The following ZIC2 variants were observed in gnomAD, a reference collection of about 807,000 sequenced individuals.
ZIC2 encodes Zic family zinc finger 2.
ZIC2 carries 7 observed loss-of-function variants against 29.5 expected under a neutral mutation model. That is an observed-to-expected ratio of 0.24 (90% CI 0.14 to 0.45). ZIC2 has a LOEUF of 0.45. Among genes scored for constraint, ZIC2 ranks in the 20% least tolerant of loss-of-function variants. The pLI is 1.00. For synonymous variants in ZIC2, 408 were observed against 354.2 expected, an observed-to-expected ratio of 1.15 and a Z score of -1.70; for missense variants, 589 against 781.2, an observed-to-expected ratio of 0.75 and a Z score of 2.93.
Position 99,983,008 on chromosome 13 carries a change from A to G in ZIC2, c.944A>G (p.Lys315Arg). ...TGTCCGCGCGAGGGCAAGCCCTTCA[A>G]GGCCAAATACAAACTGGTCAACCAC... ...EECPREGKPF[K>R]AKYKLVNHIR... Residue 315 changes from lysine to arginine, a missense_variant, in exon 1 of 3, where the codon AAG (lysine) becomes AGG (arginine). By Grantham distance (26) the Lys-to-Arg change is conservative (BLOSUM62 2). Around this residue, in one of 7 missense-constraint regions of ZIC2, gnomAD observed 33 missense variants for 106.0 expected, o/e 0.31. Transcript: ENST00000376335. This position sits in a 1 kb window ranked among gnomAD's most constrained non-coding sequence, Gnocchi z 4.7. 1.9e-6 allele frequency: 3 copies of G among 1,614,152 alleles called. No individual in the cohort carries two copies. Among genetic ancestry groups the G allele is most frequent in the African/African-American group, 1.3e-5 (1 of 75,030 alleles).
chr13:99,982,967 C>T lies in ZIC2; in HGVS notation c.903C>T (p.Val301=). 6.2e-7 allele frequency: 1 copy of T among 1,614,226 alleles called. No homozygotes were observed. Reference sequence around the variant, plus strand: ...GCGGCCCGGAGCAGAGCAACCACGTCTGCTTCTGGGAGGAGTGTCCGCGCG... The same window carrying T: ...GCGGCCCGGAGCAGAGCAACCACGTTTGCTTCTGGGAGGAGTGTCCGCGCG... ...HVGGPEQSNH[V]CFWEECPREG... is the part of the protein sequence containing the mutation. The change falls in exon 1 of 3, where the codon GTC becomes GTT. Residue 301 remains valine (V), a synonymous_variant. Transcript: ENST00000376335.
In ZIC2 at chr13:99,982,079, G is replaced by T. The variant is rs1261756709; in HGVS notation, c.15G>T (p.Ala5=). The part of the protein sequence containing the change: MLLD[A]GPQFPAIGVG... Reference sequence around the variant, plus strand: ...GCGCGCTGGCCATGCTCCTGGACGCGGGTCCGCAGTTCCCGGCCATCGGGG... The same window carrying T: ...GCGCGCTGGCCATGCTCCTGGACGCTGGTCCGCAGTTCCCGGCCATCGGGG... Residue 5 remains alanine (A), a synonymous_variant, in exon 1 of 3, where the codon GCG becomes GCT. Coordinates refer to ENST00000376335, the MANE Select transcript of ZIC2 (RefSeq NM_007129.5). 8.0e-7 allele frequency: 1 copy of T among 1,248,912 alleles called. No homozygotes were observed. The highest frequency in any genetic ancestry group is 1.0e-6 in the Non-Finnish European group (1 of 999,798). 77.4% of individuals were successfully genotyped at this position (1,248,912 alleles called of 1,614,324 possible). A position where few individuals can be genotyped will look rare whatever the true frequency, so the allele number is the denominator to read the frequency against.
rs529171193 is a variant in ZIC2 at position 99,986,571 on chromosome 13, T to C, written c.*889T>C. The C allele has an allele frequency of 8.5e-5, 13 of 153,304 alleles. No homozygotes were observed. The East Asian group carries it at 2.3e-3, about 27-fold the overall frequency. 9.5% of individuals were successfully genotyped at this position (153,304 alleles called of 1,614,324 possible). On this transcript the variant is annotated 3_prime_UTR_variant, in exon 3 of 3. Coordinates refer to ENST00000376335, the MANE Select transcript of ZIC2 (RefSeq NM_007129.5). ...ACCCGTTACCATATTTATCCATTTGTAATTAAATTATGGTATTAACTTGCT... is the reference window on the plus strand; with the variant it reads ...ACCCGTTACCATATTTATCCATTTGCAATTAAATTATGGTATTAACTTGCT...
chr13:99,982,661 C>A lies in ZIC2; in HGVS notation c.597C>A (p.Ser199Arg), dbSNP rs1190071793. The A allele has an allele frequency of 1.9e-6, 3 of 1,599,418 alleles. No individual in the cohort carries two copies. The highest frequency in any genetic ancestry group is 1.7e-6 in the Non-Finnish European group (2 of 1,179,268). ...CGGAGCAATACCGCCAGGTGGCCAG[C>A]CCGCGGACCGACCCCTACTCGGCGG... ...GRSEQYRQVASPRTDPYSAAQ... is the reference protein window; with the variant it reads ...GRSEQYRQVARPRTDPYSAAQ... Residue 199 changes from serine (S) to arginine (R), a missense_variant, in exon 1 of 3, where the codon AGC becomes AGA. Transcript: ENST00000376335.
In ZIC2 at chr13:99,985,679, G is replaced by C; in HGVS notation, c.1596G>C (p.Val532=). 7.4e-7 allele frequency: 1 copy of C among 1,343,480 alleles called. No individual in the cohort carries two copies. The highest frequency in any genetic ancestry group is 1.5e-5 in the African/African-American group (1 of 65,560). The allele number at this position is 1,343,480 out of a possible 1,614,324, so 83.2% of individuals were successfully genotyped here. ...GLSSNFNEWY[V] Reference sequence around the variant, plus strand: ...CCTCCAACTTCAATGAATGGTACGTGTGACGGGTCGGGGCCTCTCTCCCTC... The same window carrying C: ...CCTCCAACTTCAATGAATGGTACGTCTGACGGGTCGGGGCCTCTCTCCCTC... The change falls in exon 3 of 3, where the codon GTG becomes GTC. Residue 532 remains valine (V), a synonymous_variant. Coordinates refer to ENST00000376335, the MANE Select transcript of ZIC2 (RefSeq NM_007129.5). This position sits in a 1 kb window ranked among gnomAD's most constrained non-coding sequence, Gnocchi z 6.3.
chr13:99,983,980 T>C lies in ZIC2; in HGVS notation c.1075+841T>C, dbSNP rs541139469. On this transcript the variant is annotated intron_variant, in intron 1 of 2. Coordinates refer to ENST00000376335, the MANE Select transcript of ZIC2 (RefSeq NM_007129.5). The surrounding 1 kb of genome is among the most constrained non-coding windows in gnomAD (Gnocchi z 4.7). ...TTTAGCAACTTCCCCCGTCAATATT[T>C]ACTCCGAAGTGGGGATGCGCCAGCG... Among the ~76,000 whole-genome samples, 2 of 152,366 alleles carry C rather than the reference T, an allele frequency of 1.3e-5. No homozygotes were observed. Among genetic ancestry groups the C allele is most frequent in the African/African-American group, 4.8e-5 (2 of 41,592 alleles).
chr13:99,984,910 G>A lies in ZIC2; in HGVS notation c.1076-36G>A, dbSNP rs771275199. On this transcript the variant is annotated intron_variant, in intron 1 of 2. Coordinates refer to ENST00000376335, the MANE Select transcript of ZIC2 (RefSeq NM_007129.5). ...TGAGTGGGGGCTCTGCAGGCTCTGGGTGTCTGCAGCCAGCGCCGATGTTTG... is the reference window on the plus strand; with the variant it reads ...TGAGTGGGGGCTCTGCAGGCTCTGGATGTCTGCAGCCAGCGCCGATGTTTG... 6 of 1,613,774 alleles carry A rather than the reference G, an allele frequency of 3.7e-6. No individual in the cohort carries two copies. In the East Asian group the frequency reaches 1.3e-4, roughly 36 times the overall value.
At chr13:99,984,694 C>T (rs1288597441) in intron 1 of ZIC2, 5 of 510,884 alleles carry the variant, frequency 9.8e-6, no homozygotes, top group Non-Finnish European at 1.8e-5. Context: ...AGCTTCCCCA[C>T]ATTCCTGAGA....
rs2053264257 is a variant in ZIC2, at chr13:99,985,684, G to A, written c.*2G>A. On this transcript the variant is annotated 3_prime_UTR_variant, in exon 3 of 3. Transcript: ENST00000376335. This position sits in a 1 kb window ranked among gnomAD's most constrained non-coding sequence, Gnocchi z 6.3. ...AACTTCAATGAATGGTACGTGTGACGGGTCGGGGCCTCTCTCCCTCTCCCT... is the reference window on the plus strand; with the variant it reads ...AACTTCAATGAATGGTACGTGTGACAGGTCGGGGCCTCTCTCCCTCTCCCT... The A allele has an allele frequency of 1.5e-6, 2 of 1,337,406 alleles. No homozygotes were observed. The highest frequency in any genetic ancestry group is 1.5e-5 in the African/African-American group (1 of 65,402). 82.8% of individuals were successfully genotyped at this position (1,337,406 alleles called of 1,614,324 possible). A position where few individuals can be genotyped will look rare whatever the true frequency, so the allele number is the denominator to read the frequency against.
Position 99,982,268 on chromosome 13 carries a change from G to A in ZIC2, c.204G>A (p.Glu68=). The A allele has an allele frequency of 6.7e-7, 1 of 1,501,610 alleles. No homozygotes were observed. Among genetic ancestry groups the A allele is most frequent in the Non-Finnish European group, 8.8e-7 (1 of 1,130,542 alleles). The allele number at this position is 1,501,610 out of a possible 1,614,324, so 93.0% of individuals were successfully genotyped here. Residue 68 remains glutamate (E), a synonymous_variant, in exon 1 of 3, where the codon GAG becomes GAA. Transcript: ENST00000376335. The stretch of plus-strand genomic sequence containing the variant: ...TCAAGCTCAACCCGGGCGCGCACGA[G>A]CTGTCCCCGGGCCAGAGCTCGGCGT... ...GAFKLNPGAH[E]LSPGQSSAFT...
Position 99,981,906 on chromosome 13 carries a change from G to A in ZIC2, c.-159G>A, listed in dbSNP as rs2053234678. The stretch of plus-strand genomic sequence containing the variant: ...GGCAGATCCAGGCGGCGGCGGAGGC[G>A]GCGGGCGCAGGAGAGCGGCTCCCAG... On this transcript the variant is annotated 5_prime_UTR_variant, in exon 1 of 3. Transcript: ENST00000376335. 1 of 1,240,830 alleles carries A rather than the reference G, an allele frequency of 8.1e-7. No homozygotes were observed. Among genetic ancestry groups the A allele is most frequent in the Non-Finnish European group, 1.0e-6 (1 of 979,696 alleles). 76.9% of individuals were successfully genotyped at this position (1,240,830 alleles called of 1,614,324 possible).
chr13:99,985,144 G>C lies in ZIC2; in HGVS notation c.1239+35G>C, dbSNP rs370381240. On this transcript the variant is annotated intron_variant, in intron 2 of 2. Transcript: ENST00000376335. The surrounding 1 kb of genome is among the most constrained non-coding windows in gnomAD (Gnocchi z 6.3). ...CGGCGGCCGGGAGGAGGGCGAGGCA[G>C]GCCGAGGCGCCGGTGCAGCACTGGC... 1 of 1,613,334 alleles carries C rather than the reference G, an allele frequency of 6.2e-7. No individual in the cohort carries two copies. The highest frequency in any genetic ancestry group is 1.3e-5 in the African/African-American group (1 of 74,918).
chr13:99,983,199 C>T lies in ZIC2; in HGVS notation c.1075+60C>T. The T allele has an allele frequency of 1.9e-6, 3 of 1,583,116 alleles. No homozygotes were observed. The South Asian group carries it at 3.4e-5, about 18-fold the overall frequency. On this transcript the variant is annotated intron_variant, in intron 1 of 2. Coordinates refer to ENST00000376335, the MANE Select transcript of ZIC2 (RefSeq NM_007129.5). The surrounding 1 kb of genome is among the most constrained non-coding windows in gnomAD (Gnocchi z 4.7). ...GGGGAGACACGCACAGGCTGAGACT[C>T]AGGCTGTGGGTGCCGACGCTGGGCG...
Position 99,983,060 on chromosome 13 carries a change from C to T in ZIC2, c.996C>T (p.Pro332=), listed in dbSNP as rs2053244616. The change falls in exon 1 of 3, where the codon CCC becomes CCT. Residue 332 remains proline, a synonymous_variant. Transcript: ENST00000376335. This position sits in a 1 kb window ranked among gnomAD's most constrained non-coding sequence, Gnocchi z 4.7. ...TCCGCGTGCACACAGGCGAGAAACC[C>T]TTCCCCTGCCCCTTCCCGGGCTGTG... ...NHIRVHTGEK[P]FPCPFPGCGK... 6.2e-7 allele frequency: 1 copy of T among 1,614,202 alleles called. No homozygotes were observed. The highest frequency in any genetic ancestry group is 8.5e-7 in the Non-Finnish European group (1 of 1,180,036).
Position 99,985,199 on chromosome 13 carries a change from C to T in ZIC2, c.1239+90C>T, listed in dbSNP as rs2053257961. The T allele has an allele frequency of 9.3e-6, 15 of 1,606,304 alleles. No homozygotes were observed. Among genetic ancestry groups the T allele is most frequent in the Non-Finnish European group, 1.1e-5 (13 of 1,175,780 alleles). ...ACCACCTCAGCCGGCCTGGGAGGGT[C>T]CCCAGGGGCCAGGGCGGCGGGGGGA... On this transcript the variant is annotated intron_variant, in intron 2 of 2. Transcript: ENST00000376335. The surrounding 1 kb of genome is among the most constrained non-coding windows in gnomAD (Gnocchi z 6.3).
In ZIC2 at chr13:99,983,393, A is replaced by T. The variant is rs1352230274; in HGVS notation, c.1075+254A>T. Among the ~76,000 whole-genome samples, 1 of 152,218 alleles carries T rather than the reference A, an allele frequency of 6.6e-6. No homozygotes were observed. The highest frequency in any genetic ancestry group is 1.5e-5 in the Non-Finnish European group (1 of 68,046). On this transcript the variant is annotated intron_variant, in intron 1 of 2. Coordinates refer to ENST00000376335, the MANE Select transcript of ZIC2 (RefSeq NM_007129.5). This position sits in a 1 kb window ranked among gnomAD's most constrained non-coding sequence, Gnocchi z 4.7. ...ATCAAATGTATGCTTGGGTCATGCA[A>T]TTGCTTCGTTTGCTCAGCCCCGGTT...
rs398124241 is a variant in ZIC2 at position 99,982,753 on chromosome 13, C to CCCACCA, written c.713_718dup (p.His238_His239dup). 1.6e-4 allele frequency: 260 copies of CCCACCA among 1,596,632 alleles called. No individual in the cohort carries two copies. Among genetic ancestry groups the CCCACCA allele is most frequent in the East Asian group, 5.6e-4 (25 of 44,586 alleles). On this transcript the variant is annotated inframe_insertion, in exon 1 of 3. Transcript: ENST00000376335. ...GGTATGAACATGGCAGCAGCCGCGG[C>CCCACCA]CCACCACCACCACCACCACCACCAC...
At chr13:99,984,165 A>G (rs1230505152) in intron 1 of ZIC2, 1 of 152,402 alleles carries the variant, frequency 6.6e-6, no homozygotes, top group Non-Finnish European at 1.5e-5. Context: ...ATGGAATTTA[A>G]CGTTAAACGG....
At chr13:99,984,475 T>C (rs923222229) in intron 1 of ZIC2, 2 of 218,602 alleles carry the variant, frequency 9.1e-6, no homozygotes, top group Non-Finnish European at 1.9e-5. Context: ...GCTCAGTCAC[T>C]CTCCACAGCC....
Sources: allele counts gnomAD v4.1 joint callset (sites outside exome capture counted in the v4.1 genomes callset), GRCh38; gene constraint gnomAD v4.1.1; regional missense constraint gnomAD v4.1.1; non-coding constraint Gnocchi (gnomAD v3.1); transcripts MANE v1.5; gene names NCBI Gene and HGNC (gene_info 2026-07-23, HGNC 2026-07-21).